MASP1: variants seen among roughly 807,000 people sequenced by gnomAD.
MASP1 encodes mannan-binding lectin serine protease 1.
Under a neutral mutation model 77.1 loss-of-function variants are expected in MASP1, and 59 were observed. The ratio of observed to expected loss-of-function variants is 0.77; its 90% CI spans 0.62 to 0.95. MASP1 has a LOEUF of 0.95. Ranked by LOEUF, MASP1 falls within the 40% of genes least tolerant of loss-of-function variation. The pLI, the probability that MASP1 is intolerant of heterozygous loss-of-function variation, is 0.00. For missense variants in MASP1, 885 were observed against 912.9 expected (o/e 0.97, Z 0.39); for synonymous variants, 362 against 354.5 (o/e 1.02, Z -0.24).
intron 9 of MASP1, chr3:187,243,219 T>C: frequency 2.2e-6 from 1 of 458,512 alleles, no homozygotes; most frequent in South Asian, 2.1e-5. Context: ...CAACAACTCA[T>C]TAGTAAATCA....
intron 12 of MASP1, chr3:187,226,347 G>A (rs941474051): frequency 5.7e-5 from 72 of 1,254,898 alleles, no homozygotes; most frequent in Non-Finnish European, 8.0e-5. Context: ...GAAAGGGCCA[G>A]TAGGTCATTC....
chr3:187,228,723 C>T (rs1371960150), intron 11 of MASP1, among the ~76,000 whole-genome samples: 2 of 152,164 alleles, frequency 1.3e-5, no homozygotes, highest in Non-Finnish European at 2.9e-5. Context: ...ACTGAACTGC[C>T]CTCAGCCCTG....
chr3:187,280,356 GAGAA>G (rs1319979049), intron 2 of MASP1, among the ~76,000 whole-genome samples: 5 of 152,198 alleles, frequency 3.3e-5, no homozygotes, highest in East Asian at 1.9e-4. Flanking sequence ...GTGACATAAA[GAGAA>G]AGAAAGAAAG....
rs569891103 is a variant in MASP1, at chr3:187,264,378, A to G, written c.238-1658T>C. Among the ~76,000 whole-genome samples, 33 of 151,410 alleles carry G rather than the reference A, an allele frequency of 2.2e-4. No homozygotes were observed. In the South Asian group the frequency reaches 6.7e-3, roughly 31 times the overall value. ...CACAGCTGAAATGTCACTTCCTTGA[A>G]CCTCCCAGCTGCTGTGTTATTTTAT... On this transcript the variant is annotated intron_variant, in intron 2 of 10. Transcript: ENST00000296280.
Position 187,256,823 on chromosome 3 carries a change from C to T in MASP1, c.585G>A (p.Gly195=), listed in dbSNP as rs368371184. The T allele has an allele frequency of 7.4e-6, 12 of 1,613,792 alleles. No individual in the cohort carries two copies. The highest frequency in any genetic ancestry group is 1.0e-5 in the Non-Finnish European group (12 of 1,180,014). ...CSDNLFTQRT[G]VITSPDFPNP... is the part of the protein sequence containing the mutation. ...TTGGGAAGTCAGGGCTGGTGATCAC[C>T]CCAGTCCTTTGAGTGAAGAGGTTGT... The change falls in exon 5 of 11, where the codon GGG becomes GGA. Residue 195 remains glycine (G), a synonymous_variant. Coordinates refer to ENST00000296280, the MANE Select transcript of MASP1 (RefSeq NM_139125.4).
At chr3:187,220,210 T>A (rs1208703767) in exon 16 of MASP1, 5 of 1,614,072 alleles carry the variant, frequency 3.1e-6, no homozygotes, top group Non-Finnish European at 4.2e-6. Context: ...TCTTTCTCTA[T>A]TCAGGGTCAC....
chr3:187,260,860 C>T lies in MASP1; in HGVS notation c.428G>A (p.Cys143Tyr). ...AHYMAVDVDE[C>Y]KEREDEELSC... Reference sequence around the variant, plus strand: ...CAGCTCCTCGTCCTCCCTCTCCTTGCACTCGTCCACATCTGTAGGGCAGGT... The same window carrying T: ...CAGCTCCTCGTCCTCCCTCTCCTTGTACTCGTCCACATCTGTAGGGCAGGT... The change falls in exon 4 of 11, where the codon TGC (cysteine) becomes TAC (tyrosine). Residue 143 changes from cysteine (C) to tyrosine (Y), a missense_variant. By Grantham distance (194) the Cys-to-Tyr change is radical. Coordinates refer to ENST00000296280, the MANE Select transcript of MASP1 (RefSeq NM_139125.4). The T allele has an allele frequency of 6.2e-7, 1 of 1,614,104 alleles. No individual in the cohort carries two copies. Among genetic ancestry groups the T allele is most frequent in the Non-Finnish European group, 8.5e-7 (1 of 1,179,978 alleles).
chr3:187,252,588 C>A (rs1267982064), intron 6 of MASP1, among the ~76,000 whole-genome samples: 1 of 152,196 alleles, frequency 6.6e-6, no homozygotes, highest in Admixed American at 6.5e-5. Flanking sequence ...ATTAGTCATG[C>A]CCAGCTGCGA....
In MASP1 at chr3:187,236,044, G is replaced by A; in HGVS notation, c.1827C>T (p.Gly609=). ...NVTVDEIISS[G]TRTLSDVLQY... ...GCAGGACATCTGACAAGGTCCGTGT[G>A]CCACTGCTGATGATCTCATCCACTG... The change falls in exon 11 of 11, where the codon GGC becomes GGT. Residue 609 remains glycine (G), a synonymous_variant. Transcript: ENST00000296280. The A allele has an allele frequency of 3.1e-6, 5 of 1,614,138 alleles. No individual in the cohort carries two copies. The highest frequency in any genetic ancestry group is 4.2e-6 in the Non-Finnish European group (5 of 1,180,046).
chr3:187,244,317 C>T (rs1489399464), intron 8 of MASP1: 1 of 155,010 alleles, frequency 6.5e-6, no homozygotes, highest in African/African-American at 2.4e-5. Flanking sequence ...AAGATGCCTG[C>T]TCCTCAGAGG....
intron 13 of MASP1, among the ~76,000 whole-genome samples, chr3:187,223,953 G>A (rs1712223175): frequency 6.6e-6 from 1 of 152,188 alleles, no homozygotes; most frequent in Non-Finnish European, 1.5e-5. Flanking sequence ...CACCTTGCAA[G>A]GCTTGCATGG....
chr3:187,285,958 C>T lies in MASP1; in HGVS notation c.104G>A (p.Gly35Asp). The change falls in exon 2 of 11, where the codon GGT (glycine) becomes GAT (aspartate). Residue 35 changes from glycine to aspartate, a missense_variant. Physicochemically the swap from Gly to Asp is moderately conservative, Grantham distance 94. Transcript: ENST00000296280. ...ATCACTGGGATAGGAGTCTGGATAA[C>T]CAGGCGACTGGATCTGGCCAAACAT... ...NNMFGQIQSP[G>D]YPDSYPSDSE... 1 of 1,614,206 alleles carries T rather than the reference C, an allele frequency of 6.2e-7. No individual in the cohort carries two copies. The highest frequency in any genetic ancestry group is 8.5e-7 in the Non-Finnish European group (1 of 1,180,028).
chr3:187,251,427 A>AG, intron 7 of MASP1: 1 of 566,760 alleles, frequency 1.8e-6, no homozygotes, highest in East Asian at 3.0e-5. Context: ...AAAAAAAAAA[A>AG]ACAAACTTTT....
chr3:187,283,934 C>A (rs947105829), intron 2 of MASP1, among the ~76,000 whole-genome samples: 2 of 152,096 alleles, frequency 1.3e-5, no homozygotes, highest in African/African-American at 4.8e-5. Flanking sequence ...TCTGGATAAC[C>A]CTTTTATCCT....
chr3:187,245,248 C>T (rs568125634), intron 8 of MASP1, among the ~76,000 whole-genome samples: 184 of 152,174 alleles, frequency 1.2e-3, no homozygotes, highest in African/African-American at 4.2e-3. Flanking sequence ...CTGTTAAAGC[C>T]GATTTTTCCT....
At chr3:187,248,616 G>C (rs762725147) in intron 8 of MASP1, among the ~76,000 whole-genome samples, 69 of 152,124 alleles carry the variant, frequency 4.5e-4, no homozygotes, top group Non-Finnish European at 5.0e-4. Context: ...CCCAGTCACA[G>C]CACTGCACCT....
chr3:187,232,198 C>A (rs1391371888), downstream of MASP1, among the ~76,000 whole-genome samples: 2 of 152,152 alleles, frequency 1.3e-5, no homozygotes, highest in Non-Finnish European at 2.9e-5. Context: ...GCTTCTGAAG[C>A]ACTTTTCTCC....
At chr3:187,246,216 A>T (rs1714068957) in intron 8 of MASP1, 1 of 233,378 alleles carries the variant, frequency 4.3e-6, no homozygotes, top group Admixed American at 6.5e-5. Context: ...CTTGTTCTGG[A>T]ACTCTTCACT....
At chr3:187,270,496 T>G (rs1394528416) in intron 2 of MASP1, among the ~76,000 whole-genome samples, 1 of 152,064 alleles carries the variant, frequency 6.6e-6, no homozygotes, top group East Asian at 1.9e-4. Context: ...ATTAGTAATT[T>G]AACATCCACT....
Sources: gnomAD v4.1 joint callset for allele counts (sites outside exome capture counted in the v4.1 genomes callset) on GRCh38, gnomAD v4.1.1 for gene constraint, MANE v1.5 for transcripts, NCBI Gene and HGNC (gene_info 2026-07-23, HGNC 2026-07-21) for gene names.